IGF1: variants seen among roughly 807,000 people sequenced by gnomAD.
The protein encoded by IGF1 is insulin like growth factor 1, also known as insulin-like growth factor 1.
In IGF1, 4 loss-of-function variants were observed where a neutral mutation model predicts 13.8. The observed-to-expected ratio is 0.29, with a 90% CI of 0.14 to 0.66. The LOEUF is 0.66. Among genes scored for constraint, IGF1 ranks in the 30% least tolerant of loss-of-function variants. IGF1 has a pLI of 0.78. For synonymous variants in IGF1, 76 were observed against 72.6 expected (o/e 1.05, Z -0.23); for missense variants, 124 against 188.5 (o/e 0.66, Z 2.00).
intron 3 of IGF1, among the ~76,000 whole-genome samples, chr12:102,403,983 G>C (rs912225540): frequency 3.3e-5 from 5 of 152,140 alleles, no homozygotes; most frequent in Admixed American, 6.5e-5. Context: ...TTTTCCTACA[G>C]TTATTACTTT....
rs3730193 is a variant in IGF1 at position 102,419,626 on chromosome 12, G to A, written c.285C>T (p.Cys95=). 3.8e-4 allele frequency: 611 copies of A among 1,613,644 alleles called. 6 individuals carry two copies. In the Middle Eastern group the frequency reaches 5.3e-3, roughly 14 times the overall value. ...TCCTTAGATCACAGCTCCGGAAGCA[G>A]CACTCATCCACGATGCCTGTCTGAG... The part of the protein sequence containing the change: ...RAPQTGIVDE[C]CFRSCDLRRL... Residue 95 remains cysteine, a synonymous_variant, in exon 3 of 4, where the codon TGC becomes TGT. Coordinates refer to ENST00000337514, the MANE Select transcript of IGF1 (RefSeq NM_000618.5).
chr12:102,470,231 T>G (rs1043272085), intron 2 of IGF1, among the ~76,000 whole-genome samples: 5 of 152,186 alleles, frequency 3.3e-5, no homozygotes, highest in Admixed American at 3.3e-4. Context: ...ACAGGTTAAA[T>G]AACTTGCTCA....
At chr12:102,478,999 C>G (rs1316745485) in intron 1 of IGF1, among the ~76,000 whole-genome samples, 1 of 152,220 alleles carries the variant, frequency 6.6e-6, no homozygotes, top group Admixed American at 6.5e-5. Flanking sequence ...AGCTCCACTT[C>G]TGAAGTGTTC....
intron 3 of IGF1, among the ~76,000 whole-genome samples, chr12:102,418,656 T>C (rs1875386557): frequency 6.6e-6 from 1 of 152,258 alleles, no homozygotes; most frequent in East Asian, 1.9e-4. Context: ...ACCTTCTCTT[T>C]AGTTCTTATT....
chr12:102,437,128 G>C (rs1423322464), intron 2 of IGF1, among the ~76,000 whole-genome samples: 1 of 152,236 alleles, frequency 6.6e-6, no homozygotes, highest in African/African-American at 2.4e-5. Flanking sequence ...TTCTGGAAAA[G>C]ACAGAGGAAA....
chr12:102,474,998 A>G (rs997606443), intron 2 of IGF1, among the ~76,000 whole-genome samples: 5 of 152,190 alleles, frequency 3.3e-5, no homozygotes, highest in African/African-American at 1.2e-4. Context: ...CCGGAGAAGA[A>G]CTATGCCAAA....
intron 3 of IGF1, among the ~76,000 whole-genome samples, chr12:102,412,406 G>GCA (rs1427881128): frequency 9.2e-5 from 14 of 151,506 alleles, no homozygotes; most frequent in African/African-American, 3.1e-4. Context: ...ACACACACGC[G>GCA]CACACACACA....
chr12:102,450,299 A>C (rs1210560875), intron 2 of IGF1, among the ~76,000 whole-genome samples: 1 of 152,242 alleles, frequency 6.6e-6, no homozygotes, highest in Non-Finnish European at 1.5e-5. Flanking sequence ...TCCATGACAA[A>C]GAGTAAGAGA....
intron 2 of IGF1, among the ~76,000 whole-genome samples, chr12:102,460,524 C>A (rs1315994848): frequency 1.3e-5 from 2 of 152,170 alleles, no homozygotes; most frequent in East Asian, 1.9e-4. Context: ...AGGTGCCCAG[C>A]TGATGATTCT....
chr12:102,442,835 T>C lies in IGF1; in HGVS notation c.221-23145A>G, dbSNP rs17881804. On this transcript the variant is annotated intron_variant, in intron 2 of 3. Transcript: ENST00000337514. The stretch of plus-strand genomic sequence containing the variant: ...ACTGTGGAGCTGAGCCAGTCTTATA[T>C]GCAGAAAGAATGGTAAAAATAAATG... Among the ~76,000 whole-genome samples the C allele has an allele frequency of 2.1e-3, 323 of 152,284 alleles. 4 individuals carry two copies. Among genetic ancestry groups the C allele is most frequent in the African/African-American group, 7.2e-3 (301 of 41,566 alleles).
chr12:102,405,855 G>A (rs933798911), intron 3 of IGF1, among the ~76,000 whole-genome samples: 4 of 152,142 alleles, frequency 2.6e-5, no homozygotes, highest in African/African-American at 4.8e-5. Flanking sequence ...ATTAGCGGGG[G>A]GCTATAGCAA....
chr12:102,450,776 ATT>A (rs1878852330), intron 2 of IGF1, among the ~76,000 whole-genome samples: 1 of 152,178 alleles, frequency 6.6e-6, no homozygotes, highest in South Asian at 2.1e-4. Flanking sequence ...GTTTTAAATC[ATT>A]CTTTCCAATT....
intron 2 of IGF1, among the ~76,000 whole-genome samples, chr12:102,441,961 T>TCTTC (rs1592786145): frequency 1.4e-4 from 2 of 13,994 alleles, no homozygotes; most frequent in African/African-American, 2.4e-4. Context: ...TCTTCTTTTT[T>TCTTC]TTTTTTGAGA....
chr12:102,436,952 G>A (rs1258554455), intron 2 of IGF1, among the ~76,000 whole-genome samples: 1 of 152,248 alleles, frequency 6.6e-6, no homozygotes, highest in African/African-American at 2.4e-5. Context: ...GCACTGGGAG[G>A]GAAGGCAGGG....
chr12:102,471,753 A>G (rs1018423308), intron 2 of IGF1, among the ~76,000 whole-genome samples: 8 of 152,230 alleles, frequency 5.3e-5, no homozygotes, highest in African/African-American at 1.9e-4. Flanking sequence ...GACTGTTTAT[A>G]GACTCTTAAA....
In IGF1 at chr12:102,443,428, G is replaced by A. The variant is rs118091197; in HGVS notation, c.221-23738C>T. On this transcript the variant is annotated intron_variant, in intron 2 of 3. Coordinates refer to ENST00000337514, the MANE Select transcript of IGF1 (RefSeq NM_000618.5). ...CAGATGAGGGCCACCATGCTGGGAT[G>A]GTGAAATAGAAATCTAGAAATTGCT... Among the ~76,000 whole-genome samples, 29 of 152,206 alleles carry A rather than the reference G, an allele frequency of 1.9e-4. No individual in the cohort carries two copies. The East Asian group carries it at 4.4e-3, about 23-fold the overall frequency.
intron 2 of IGF1, among the ~76,000 whole-genome samples, chr12:102,458,119 A>G (rs959775695): frequency 1.3e-5 from 2 of 152,194 alleles, no homozygotes; most frequent in African/African-American, 4.8e-5. Flanking sequence ...ACTTGTTGAC[A>G]ATCCTTCTGC....
At chr12:102,422,270 C>T (rs901364744) in intron 2 of IGF1, among the ~76,000 whole-genome samples, 8 of 152,098 alleles carry the variant, frequency 5.3e-5, no homozygotes, top group African/African-American at 1.2e-4. Flanking sequence ...ATACAGACTT[C>T]GATTTTGCCA....
rs75904464 is a variant in IGF1 at position 102,407,150 on chromosome 12, A to G, written c.403-4584T>C. Among the ~76,000 whole-genome samples the G allele has an allele frequency of 0.022, 3,258 of 149,130 alleles. 279 individuals carry two copies. The East Asian group carries it at 0.26, about 12-fold the overall frequency. ...AAAAAAAAAAGATCACTGAGGACTA[A>G]TAACAACGGCAATAATAATAATCTT... On this transcript the variant is annotated intron_variant, in intron 3 of 3. Transcript: ENST00000337514.
Sources: gnomAD v4.1 joint callset for allele counts (sites outside exome capture counted in the v4.1 genomes callset) on GRCh38, gnomAD v4.1.1 for gene constraint, MANE v1.5 for transcripts, NCBI Gene and HGNC (gene_info 2026-07-23, HGNC 2026-07-21) for gene names.